Variants in NCAPH observed in about 807,000 individuals in gnomAD.
The protein encoded by NCAPH is condensin complex subunit 2.
A neutral mutation model predicts 85.5 loss-of-function variants in NCAPH; 38 were observed. The observed-to-expected ratio is 0.44, with a 90% CI of 0.34 to 0.58. The LOEUF (loss-of-function observed/expected upper bound fraction) is 0.58. Ranked by LOEUF, NCAPH falls within the 20% of genes least tolerant of loss-of-function variation. The pLI is 0.01. For synonymous variants in NCAPH, 301 were observed against 335.1 expected, an observed-to-expected ratio of 0.90 and a Z score of 1.11; for missense variants, 789 against 916.6, an observed-to-expected ratio of 0.86 and a Z score of 1.80.
chr2:96,336,108 T>C (rs1056454558), intron 1 of NCAPH, among the ~76,000 whole-genome samples: 4 of 151,666 alleles, frequency 2.6e-5, no homozygotes, highest in African/African-American at 9.7e-5. Flanking sequence ...CACTCCTCAG[T>C]TCCCGGGCGG....
chr2:96,345,603 G>A lies in NCAPH; in HGVS notation c.720+1374G>A, dbSNP rs768817409. Among the ~76,000 whole-genome samples the A allele has an allele frequency of 5.3e-5, 8 of 152,144 alleles. No individual in the cohort carries two copies. In the East Asian group the frequency reaches 7.7e-4, roughly 15 times the overall value. On this transcript the variant is annotated intron_variant, in intron 6 of 17. Transcript: ENST00000240423. ...TGGTAAACCCTAACAGGGAGCTGCC[G>A]GCAAAGCTGAATGTCCCAGACCCTG...
Position 96,351,878 on chromosome 2 carries a change from C to G in NCAPH, c.768C>G (p.Ser256Arg), listed in dbSNP as rs576863162. The G allele has an allele frequency of 6.2e-7, 1 of 1,613,982 alleles. No homozygotes were observed. The highest frequency in any genetic ancestry group is 2.2e-5 in the East Asian group (1 of 44,884). The part of the protein sequence containing the change: ...QKTAASFDEC[S>R]TAGVFLSTLH... ...CAGCAGCCTCATTTGATGAGTGCAG[C>G]ACAGCAGGGGTGTTTCTGTCCACTC... is the stretch of plus-strand genomic sequence containing the variant. Residue 256 changes from serine to arginine, a missense_variant, in exon 7 of 18, where the codon AGC (serine) becomes AGG (arginine). Ser to Arg is a moderately radical substitution (Grantham distance 110). Coordinates refer to ENST00000240423, the MANE Select transcript of NCAPH (RefSeq NM_015341.5).
chr2:96,341,883 C>T lies in NCAPH; in HGVS notation c.261C>T (p.Ser87=), dbSNP rs753219813. The change falls in exon 2 of 18, where the codon TCC becomes TCT. Residue 87 remains serine (S), a synonymous_variant. Coordinates refer to ENST00000240423, the MANE Select transcript of NCAPH (RefSeq NM_015341.5). The part of the protein sequence containing the change: ...FSTDSPRLLA[S]PSSRSIDISA... The stretch of plus-strand genomic sequence containing the variant: ...CTGACTCACCTCGCTTATTGGCCTC[C>T]CCCTCCAGCAGGTGAGGTGCTCCTG... 3.7e-6 allele frequency: 6 copies of T among 1,609,336 alleles called. No homozygotes were observed. The highest frequency in any genetic ancestry group is 1.3e-5 in the African/African-American group (1 of 74,890).
chr2:96,365,703 T>C (rs974648830), intron 13 of NCAPH, among the ~76,000 whole-genome samples, 173 bp from the exon 14 acceptor site: 1 of 152,104 alleles, frequency 6.6e-6, no homozygotes, highest in Non-Finnish European at 1.5e-5. Context: ...TCTAATAGGG[T>C]TTACGTGAAA....
chr2:96,368,900 A>T, intron 15 of NCAPH, 72 bp from the exon 16 acceptor site: 1 of 1,401,630 alleles, frequency 7.1e-7, no homozygotes, highest in Non-Finnish European at 9.7e-7. Context: ...TTGGTGACAC[A>T]ACTTTATTTT....
At chr2:96,350,235 G>T (rs942331161) in intron 6 of NCAPH, among the ~76,000 whole-genome samples, 1 of 152,166 alleles carries the variant, frequency 6.6e-6, no homozygotes, top group Admixed American at 6.5e-5. Context: ...TTGTCCCATT[G>T]AATTGCTTGG....
chr2:96,361,368 T>C (rs910255686), intron 12 of NCAPH, among the ~76,000 whole-genome samples: 2 of 152,056 alleles, frequency 1.3e-5, no homozygotes, highest in East Asian at 1.9e-4. Flanking sequence ...GGCTTTCTCA[T>C]TGAAGTTGTG....
intron 9 of NCAPH, among the ~76,000 whole-genome samples, chr2:96,355,992 C>T (rs1464641210): frequency 6.6e-6 from 1 of 152,176 alleles, no homozygotes; most frequent in African/African-American, 2.4e-5. Flanking sequence ...TTAAAAACAT[C>T]ATTTTCAAAT....
intron 12 of NCAPH, among the ~76,000 whole-genome samples, chr2:96,362,500 C>T (rs1317527648): frequency 1.3e-5 from 2 of 152,106 alleles, no homozygotes; most frequent in African/African-American, 2.4e-5. Flanking sequence ...CATGGTAGTG[C>T]AGGCCTATAG....
At chr2:96,335,909 G>C (rs1480644215) in intron 1 of NCAPH, 61 bp downstream of exon 1, 3 of 1,408,102 alleles carry the variant, frequency 2.1e-6, no homozygotes, top group Non-Finnish European at 2.8e-6. Flanking sequence ...TACTTCGGGC[G>C]GGCAGGGCTG....
intron 9 of NCAPH, among the ~76,000 whole-genome samples, chr2:96,357,427 A>C (rs1469513748): frequency 6.6e-6 from 1 of 152,204 alleles, no homozygotes; most frequent in African/African-American, 2.4e-5. Context: ...ATAGCATTGT[A>C]TGTTGAAAGA....
At chr2:96,364,868 C>G (rs2064673412) in intron 13 of NCAPH, among the ~76,000 whole-genome samples, 1 of 152,196 alleles carries the variant, frequency 6.6e-6, no homozygotes, top group African/African-American at 2.4e-5. Flanking sequence ...TGTTTAGCCT[C>G]TGCTACAAAG....
At chr2:96,372,939 AG>A (rs2064792979) in intron 17 of NCAPH, among the ~76,000 whole-genome samples, 1 of 152,064 alleles carries the variant, frequency 6.6e-6, no homozygotes, top group Non-Finnish European at 1.5e-5. Context: ...CTCGAGGATA[AG>A]GGGGGACGAC....
chr2:96,363,600 T>C (rs184345582), intron 12 of NCAPH, among the ~76,000 whole-genome samples: 9 of 152,330 alleles, frequency 5.9e-5, no homozygotes, highest in African/African-American at 9.6e-5. Flanking sequence ...GAGATTTATA[T>C]ATCAAGTAGA....
At chr2:96,343,766 T>C (rs568806361) in intron 5 of NCAPH, among the ~76,000 whole-genome samples, 1 of 151,918 alleles carries the variant, frequency 6.6e-6, no homozygotes, top group Admixed American at 6.6e-5. Context: ...AGTGGTGTGA[T>C]CTGGGCTCAC....
At chr2:96,348,232 C>T (rs1050388244) in intron 6 of NCAPH, among the ~76,000 whole-genome samples, 3 of 150,946 alleles carry the variant, frequency 2.0e-5, no homozygotes, top group Non-Finnish European at 3.0e-5. Flanking sequence ...CTCCGTCGCC[C>T]AGGCTGGAGT....
Position 96,360,564 on chromosome 2 carries a change from C to T in NCAPH, c.1465-24C>T, listed in dbSNP as rs765455674. ...TTGCCCACTGTTAAAATGCCTAAAA[C>T]ACTTTTTTTAAAAAAATTAATAGGC... On this transcript the variant is annotated intron_variant, in intron 11 of 17. Coordinates refer to ENST00000240423, the MANE Select transcript of NCAPH (RefSeq NM_015341.5). The T allele has an allele frequency of 7.5e-5, 121 of 1,612,108 alleles. No individual in the cohort carries two copies. In the Middle Eastern group the frequency reaches 8.2e-4, roughly 11 times the overall value.
rs150963502 is a variant in NCAPH, at chr2:96,340,295, G to A, written c.20-1347G>A. The stretch of plus-strand genomic sequence containing the variant: ...CTCTACATGCTGATGACTTCCCAGT[G>A]TGTGTATCTCATCTGGAACTTTCCC... On this transcript the variant is annotated intron_variant, in intron 1 of 17. Transcript: ENST00000240423. 3.9e-3 allele frequency among the ~76,000 whole-genome samples: 584 copies of A among 151,458 alleles called. 3 individuals carry two copies. Among genetic ancestry groups the A allele is most frequent in the Non-Finnish European group, 5.6e-3 (380 of 67,950 alleles).
At chr2:96,368,692 C>CT (rs891135897) in intron 15 of NCAPH, among the ~76,000 whole-genome samples, 3 of 151,982 alleles carry the variant, frequency 2.0e-5, no homozygotes, top group East Asian at 1.9e-4. Flanking sequence ...TTTATTACTG[C>CT]TTTTTTTTCT....
Sources: allele counts gnomAD v4.1 joint callset (sites outside exome capture counted in the v4.1 genomes callset), GRCh38; gene constraint gnomAD v4.1.1; transcripts MANE v1.5; gene names NCBI Gene and HGNC (gene_info 2026-07-23, HGNC 2026-07-21).